The following HIVEP3 variants were observed in gnomAD, a reference collection of about 807,000 sequenced individuals.
The protein encoded by HIVEP3 is transcription factor HIVEP3.
In HIVEP3, 49 loss-of-function variants were observed where a neutral mutation model predicts 152.8. That is an observed-to-expected ratio of 0.32 (90% CI 0.26 to 0.41). The LOEUF (loss-of-function observed/expected upper bound fraction) is 0.41, where lower values mean the gene tolerates loss of function less well. HIVEP3 is among the 10% of genes least tolerant of loss of function. HIVEP3 has a pLI of 1.00. For missense variants in HIVEP3, 2,790 were observed against 3,103.3 expected (o/e 0.90, Z 2.40); for synonymous variants, 1,269 against 1,289.0 (o/e 0.98, Z 0.33).
At chr1:41,965,273 G>A (rs1024636896) in intron 1 of HIVEP3, among the ~76,000 whole-genome samples, 1 of 152,202 alleles carries the variant, frequency 6.6e-6, no homozygotes, top group Non-Finnish European at 1.5e-5. Flanking sequence ...AAAGACTGAA[G>A]GTGGATAAGC....
chr1:41,822,947 T>C (rs763002606), intron 1 of HIVEP3, among the ~76,000 whole-genome samples: 5 of 152,346 alleles, frequency 3.3e-5, no homozygotes, highest in Middle Eastern at 3.4e-3. Context: ...ATGGACTGAA[T>C]TGTCTGCCCC....
intron 1 of HIVEP3, chr1:41,865,636 T>C (rs1643956203): frequency 6.6e-6 from 1 of 152,226 alleles, no homozygotes; most frequent in Admixed American, 6.5e-5. Flanking sequence ...GAGAATTATT[T>C]TGAAGCAAAG....
chr1:41,634,562 C>G (rs1212502801), intron 2 of HIVEP3, among the ~76,000 whole-genome samples: 1 of 151,684 alleles, frequency 6.6e-6, no homozygotes, highest in Non-Finnish European at 1.5e-5. Flanking sequence ...AGTTAAGAGA[C>G]CAGGCTGGAT....
chr1:41,576,430 C>T (rs369524411), intron 4 of HIVEP3, among the ~76,000 whole-genome samples: 2 of 152,224 alleles, frequency 1.3e-5, no homozygotes, highest in South Asian at 4.1e-4. Context: ...GCTTCCTGGA[C>T]ATCTTCCACT....
intron 2 of HIVEP3, among the ~76,000 whole-genome samples, chr1:41,632,082 C>T (rs1339035179): frequency 2.6e-5 from 4 of 152,148 alleles, no homozygotes; most frequent in African/African-American, 7.2e-5. Context: ...TTGCTGTGCT[C>T]CTCCTAAGGT....
intron 1 of HIVEP3, among the ~76,000 whole-genome samples, chr1:41,982,550 A>G (rs1645299120): frequency 1.3e-5 from 2 of 152,170 alleles, no homozygotes. Flanking sequence ...CCTACCCATC[A>G]TGAAACTGGG....
intron 1 of HIVEP3, among the ~76,000 whole-genome samples, chr1:41,993,666 C>G (rs376727000): frequency 6.6e-6 from 1 of 151,864 alleles, no homozygotes; most frequent in South Asian, 2.1e-4. Flanking sequence ...ACCCAAAGGA[C>G]TATAAATCAT....
chr1:41,677,231 G>A (rs910097179), intron 2 of HIVEP3, among the ~76,000 whole-genome samples: 2 of 152,198 alleles, frequency 1.3e-5, no homozygotes, highest in African/African-American at 4.8e-5. Flanking sequence ...TGAAAAGGCA[G>A]GAGGAATGAA....
chr1:41,697,573 G>A (rs1646295302), intron 2 of HIVEP3, among the ~76,000 whole-genome samples: 1 of 152,194 alleles, frequency 6.6e-6, no homozygotes, highest in Non-Finnish European at 1.5e-5. Context: ...TGGCTGGCAG[G>A]TGTCAGGCCT....
rs764370131 is a variant in HIVEP3 at position 41,510,518 on chromosome 1, G to A, written c.7154C>T (p.Pro2385Leu). The A allele has an allele frequency of 1.9e-6, 3 of 1,595,956 alleles. No homozygotes were observed. Among genetic ancestry groups the A allele is most frequent in the African/African-American group, 1.3e-5 (1 of 74,504 alleles). ...TGCCCTGGGCTCCCCACTTCCTGAG[G>A]GCTTGGGGGAGTCCTGCCTGGTCCT... ...EPRTRQDSPK[P>L]SGSGEPRAHP... The change falls in exon 9 of 9, where the codon CCC becomes CTC. Residue 2385 changes from proline to leucine, a missense_variant. Coordinates refer to ENST00000372583, the MANE Select transcript of HIVEP3 (RefSeq NM_024503.5).
At position 41,680,057 on chromosome 1, in the gene HIVEP3, G is replaced by A. The variant is rs190193216; in HGVS notation, c.-721+20859C>T. Among the ~76,000 whole-genome samples, 177 of 152,318 alleles carry A rather than the reference G, an allele frequency of 1.2e-3. 1 individual carries two copies. The highest frequency in any genetic ancestry group is 4.2e-3 in the South Asian group (20 of 4,818). ...CAAGTTTTGGATCCTGCCCTGAAGG[G>A]GAGATGGGCCAGGATGGTTGAGCCT... On this transcript the variant is annotated intron_variant, in intron 2 of 8. Coordinates refer to ENST00000372583, the MANE Select transcript of HIVEP3 (RefSeq NM_024503.5).
At chr1:41,673,458 T>C (rs76336460) in intron 2 of HIVEP3, among the ~76,000 whole-genome samples, 1 of 152,122 alleles carries the variant, frequency 6.6e-6, no homozygotes, top group South Asian at 2.1e-4. Context: ...CCCCATTTCA[T>C]AGGAGGGGAG....
At chr1:41,741,482 T>C (rs902577147) in intron 1 of HIVEP3, among the ~76,000 whole-genome samples, 1 of 151,962 alleles carries the variant, frequency 6.6e-6, no homozygotes, top group African/African-American at 2.4e-5. Context: ...GCCGTGCCGC[T>C]GACTAAGCTG....
At chr1:41,966,160 T>C (rs897004370) in intron 1 of HIVEP3, among the ~76,000 whole-genome samples, 4 of 152,138 alleles carry the variant, frequency 2.6e-5, no homozygotes, top group African/African-American at 9.7e-5. Flanking sequence ...AATAAAATCT[T>C]TTTCAGACAA....
intron 1 of HIVEP3, among the ~76,000 whole-genome samples, chr1:42,020,748 A>C (rs1259509594): frequency 6.6e-6 from 1 of 152,226 alleles, no homozygotes. Context: ...TTTTCATTTA[A>C]TGAGAAGAAC....
intron 2 of HIVEP3, among the ~76,000 whole-genome samples, chr1:41,676,121 G>C (rs1000355503): frequency 6.6e-6 from 1 of 151,604 alleles, no homozygotes; most frequent in African/African-American, 2.4e-5. Context: ...GCACCATCTC[G>C]GCTCACTGCA....
At chr1:41,731,313 C>T (rs1475967039) in intron 1 of HIVEP3, among the ~76,000 whole-genome samples, 1 of 152,118 alleles carries the variant, frequency 6.6e-6, no homozygotes, top group Admixed American at 6.5e-5. Context: ...AGTGGCAGAC[C>T]CCCTGAATCC....
chr1:41,583,101 T>A lies in HIVEP3; in HGVS notation c.1697A>T (p.His566Leu). The change falls in exon 4 of 9, where the codon CAT becomes CTT. Residue 566 changes from histidine (H) to leucine (L), a missense_variant. Coordinates refer to ENST00000372583, the MANE Select transcript of HIVEP3 (RefSeq NM_024503.5). This position sits in a 1 kb window ranked among gnomAD's most constrained non-coding sequence, Gnocchi z 6.9. The stretch of plus-strand genomic sequence containing the variant: ...GCTCAGGGCTTCGGAGTCGGTGATA[T>A]GGTCATCGAAGGAGTAGCTACCTCG... Reference protein sequence around the residue: ...PFRGSYSFDDHITDSEALSHS... With the variant: ...PFRGSYSFDDLITDSEALSHS... 1.9e-6 allele frequency: 3 copies of A among 1,613,126 alleles called. No individual in the cohort carries two copies. Among genetic ancestry groups the A allele is most frequent in the Non-Finnish European group, 2.5e-6 (3 of 1,179,768 alleles).
chr1:41,767,789 G>T (rs1373881733), intron 1 of HIVEP3, among the ~76,000 whole-genome samples: 1 of 152,190 alleles, frequency 6.6e-6, no homozygotes, highest in Non-Finnish European at 1.5e-5. Flanking sequence ...CTCTGAGCTG[G>T]CAGGGCTTTT....
Sources: gnomAD v4.1 joint callset for allele counts (sites outside exome capture counted in the v4.1 genomes callset) on GRCh38, gnomAD v4.1.1 for gene constraint, Gnocchi (gnomAD v3.1) non-coding constraint, MANE v1.5 for transcripts, NCBI Gene and HGNC (gene_info 2026-07-23, HGNC 2026-07-21) for gene names.